CEP70: variants seen among roughly 807,000 people sequenced by gnomAD.
CEP70 encodes centrosomal protein of 70 kDa.
In CEP70, 70 loss-of-function variants were observed where a neutral mutation model predicts 90.9. That is an observed-to-expected ratio of 0.77 (90% CI 0.64 to 0.94). The LOEUF (loss-of-function observed/expected upper bound fraction) is 0.94. Among genes scored for constraint, CEP70 ranks in the 40% least tolerant of loss-of-function variants. CEP70 has a pLI of 0.00. For missense variants in CEP70, 648 were observed against 669.0 expected (o/e 0.97, Z 0.35); for synonymous variants, 220 against 228.3 (o/e 0.96, Z 0.33).
intron 6 of CEP70, among the ~76,000 whole-genome samples, chr3:138,569,058 T>TTTGTCAAACATTGTCAAACA (rs1352824762): frequency 2.0e-5 from 3 of 148,580 alleles, no homozygotes; most frequent in Non-Finnish European, 4.5e-5. Context: ...GGTAGAGGAG[T>TTTGTCAAACATTGTCAAACA]TTGTCAAACA....
chr3:138,568,853 C>A (rs1268144064), intron 6 of CEP70, among the ~76,000 whole-genome samples: 1 of 151,932 alleles, frequency 6.6e-6, no homozygotes, highest in African/African-American at 2.4e-5. Flanking sequence ...GTGGTGCATG[C>A]CTGTAGTCCC....
Position 138,500,402 on chromosome 3 carries a change from A to G in CEP70, c.1534T>C (p.Leu512=), listed in dbSNP as rs1369480625. Residue 512 remains leucine (L), a synonymous_variant, in exon 15 of 18, where the codon TTA becomes CTA. Transcript: ENST00000264982. The part of the protein sequence containing the change: ...AVRNLQELLE[L]DSSSSLCVLV... Reference sequence around the variant, plus strand: ...AAATGACAAATTAGGTCATCACCTAATTCTAAGAGTTCTTGGAGGTTTCTC... The same window carrying G: ...AAATGACAAATTAGGTCATCACCTAGTTCTAAGAGTTCTTGGAGGTTTCTC... 2 of 1,581,388 alleles carry G rather than the reference A, an allele frequency of 1.3e-6. No homozygotes were observed. Among genetic ancestry groups the G allele is most frequent in the Non-Finnish European group, 1.7e-6 (2 of 1,170,322 alleles).
chr3:138,584,492 GA>G (rs2042017779), intron 2 of CEP70, among the ~76,000 whole-genome samples: 1 of 141,690 alleles, frequency 7.1e-6, no homozygotes, highest in Non-Finnish European at 1.5e-5. Flanking sequence ...GAGAGAGAGA[GA>G]AAAACCTACA....
intron 6 of CEP70, among the ~76,000 whole-genome samples, chr3:138,548,396 C>T (rs530458862): frequency 6.6e-6 from 1 of 152,256 alleles, no homozygotes; most frequent in South Asian, 2.1e-4. Context: ...CACCTTCCTC[C>T]AAAGAGGATT....
At chr3:138,558,744 A>G (rs1322977813) in intron 6 of CEP70, among the ~76,000 whole-genome samples, 1 of 152,226 alleles carries the variant, frequency 6.6e-6, no homozygotes, top group Non-Finnish European at 1.5e-5. Context: ...ATAACACCAC[A>G]GTAGATCTCA....
rs554258995 is a variant in CEP70, at chr3:138,582,773, A to AAAAT, written c.-6+9077_-6+9080dup. Among the ~76,000 whole-genome samples, 854 of 152,206 alleles carry AAAAT rather than the reference A, an allele frequency of 5.6e-3. 6 individuals carry two copies. Among genetic ancestry groups the AAAAT allele is most frequent in the African/African-American group, 0.02 (821 of 41,542 alleles). On this transcript the variant is annotated intron_variant, in intron 2 of 17. Transcript: ENST00000264982. ...AACTAGACTCCATCTCAAAAAAATA[A>AAAAT]AAATAAATAAATAAATAAGATAATG...
chr3:138,538,721 CTTA>C (rs1236148316), intron 6 of CEP70, among the ~76,000 whole-genome samples: 29 of 152,022 alleles, frequency 1.9e-4, no homozygotes, highest in Non-Finnish European at 7.4e-5. Context: ...ATCAAGAATC[CTTA>C]TTCTTTTTCT....
At position 138,542,249 on chromosome 3, in the gene CEP70, G is replaced by C. The variant is rs142413964; in HGVS notation, c.466-4902C>G. On this transcript the variant is annotated intron_variant, in intron 6 of 17. Transcript: ENST00000264982. The stretch of plus-strand genomic sequence containing the variant: ...TCCATGTGAGACTGTGGCTGGACCA[G>C]ATGTACTGCAAGCAGCTTCCGCTGT... Among the ~76,000 whole-genome samples, 6 of 152,352 alleles carry C rather than the reference G, an allele frequency of 3.9e-5. No homozygotes were observed. In the East Asian group the frequency reaches 9.7e-4, roughly 25 times the overall value.
At chr3:138,572,109 CA>C (rs2041218495) in intron 3 of CEP70, among the ~76,000 whole-genome samples, 1 of 152,018 alleles carries the variant, frequency 6.6e-6, no homozygotes, top group Non-Finnish European at 1.5e-5. Context: ...ACTAGGGTCA[CA>C]AAAAAATCAA....
In CEP70 at chr3:138,525,510, T is replaced by G; in HGVS notation, c.924A>C (p.Lys308Asn). The G allele has an allele frequency of 7.1e-7, 1 of 1,411,038 alleles. No homozygotes were observed. Among genetic ancestry groups the G allele is most frequent in the South Asian group, 2.0e-5 (1 of 50,572 alleles). The allele number at this position is 1,411,038 out of a possible 1,614,324, so 87.4% of individuals were successfully genotyped here. A position where few individuals can be genotyped will look rare whatever the true frequency, so the allele number is the denominator to read the frequency against. ...ATTACTTGACGTTTTTCTTAAGGGC[T>G]TTTTCCAGCTTCTTCACCTGCTGTT... ...LYKQQVKKLE[K>N]ALKKNVKLQE... The change falls in exon 11 of 18, where the codon AAA (lysine) becomes AAC (asparagine). Residue 308 changes from lysine (K) to asparagine (N), a missense_variant. Transcript: ENST00000264982.
intron 13 of CEP70, 98 bp downstream of exon 13, chr3:138,505,197 A>G: frequency 3.1e-6 from 3 of 979,778 alleles, no homozygotes; most frequent in Non-Finnish European, 2.8e-6. Context: ...CAAAAAAATT[A>G]AACCCTATTT....
intron 2 of CEP70, among the ~76,000 whole-genome samples, chr3:138,583,526 C>T (rs1388179552): frequency 6.6e-6 from 1 of 152,158 alleles, no homozygotes; most frequent in Non-Finnish European, 1.5e-5. Context: ...GCACATGGAT[C>T]ATTCCCAAGG....
intron 11 of CEP70, among the ~76,000 whole-genome samples, chr3:138,523,574 A>G (rs570707393): frequency 2.0e-5 from 3 of 152,238 alleles, no homozygotes; most frequent in African/African-American, 7.2e-5. Context: ...ATTCTTATAC[A>G]CCAATAACAG....
chr3:138,542,478 C>A (rs1218940551), intron 6 of CEP70, among the ~76,000 whole-genome samples: 1 of 152,238 alleles, frequency 6.6e-6, no homozygotes, highest in East Asian at 1.9e-4. Context: ...TCAGGTGGCA[C>A]ATGTTTCAGC....
chr3:138,569,480 C>T (rs923610895), intron 6 of CEP70, among the ~76,000 whole-genome samples: 1 of 152,136 alleles, frequency 6.6e-6, no homozygotes, highest in African/African-American at 2.4e-5. Flanking sequence ...AATAAACACC[C>T]AAGTTTTAAT....
chr3:138,509,883 CT>C (rs2035358751), intron 11 of CEP70, among the ~76,000 whole-genome samples: 1 of 152,068 alleles, frequency 6.6e-6, no homozygotes, highest in Non-Finnish European at 1.5e-5. Flanking sequence ...TACCACAGTG[CT>C]TATGTTCAAG....
Position 138,500,110 on chromosome 3 carries a change from C to T in CEP70, c.1652G>A (p.Ser551Asn). ...CTTTGTAAACTTTTAAAACAAATAC[C>T]TCTGGAGGTCTTCAGGTCCTAATAC... is the stretch of plus-strand genomic sequence containing the variant. The part of the protein sequence containing the change: ...MQVLGPEDLQ[S>N]IIYKLEEHEE... The change falls in exon 16 of 18, where the codon AGC (serine) becomes AAC (asparagine). Residue 551 changes from serine (S) to asparagine (N), a missense_variant and splice_region_variant. By Grantham distance (46) the Ser-to-Asn change is conservative. Transcript: ENST00000264982. The T allele has an allele frequency of 6.3e-7, 1 of 1,591,768 alleles. No homozygotes were observed. The highest frequency in any genetic ancestry group is 1.3e-5 in the African/African-American group (1 of 74,290).
chr3:138,529,245 C>T lies in CEP70; in HGVS notation c.823G>A (p.Ala275Thr), dbSNP rs1315560967. The change falls in exon 10 of 18, where the codon GCA becomes ACA. Residue 275 changes from alanine (A) to threonine (T), a missense_variant. Transcript: ENST00000264982. Reference protein sequence around the residue: ...QLKESKSKIDALSSEKLNLQK... With the variant: ...QLKESKSKIDTLSSEKLNLQK... ...AGGTTCAGCTTTTCACTTGAAAGTG[C>T]ATCAATCTTAGATTTTGATTCCTTG... The T allele has an allele frequency of 2.5e-6, 4 of 1,609,644 alleles. No individual in the cohort carries two copies. Among genetic ancestry groups the T allele is most frequent in the East Asian group, 2.2e-5 (1 of 44,848 alleles).
chr3:138,516,638 A>G (rs2036055971), intron 11 of CEP70, among the ~76,000 whole-genome samples: 1 of 152,172 alleles, frequency 6.6e-6, no homozygotes, highest in Non-Finnish European at 1.5e-5. Flanking sequence ...CTCCTGCCTC[A>G]GTCTCCCAAA....
Sources: allele counts gnomAD v4.1 joint callset (sites outside exome capture counted in the v4.1 genomes callset), GRCh38; gene constraint gnomAD v4.1.1; transcripts MANE v1.5; gene names NCBI Gene and HGNC (gene_info 2026-07-23, HGNC 2026-07-21).